Variants in SUCLG1 observed in about 807,000 individuals in gnomAD.
SUCLG1 encodes succinate-CoA ligase GDP/ADP-forming subunit alpha, also known as succinate--CoA ligase [ADP/GDP-forming] subunit alpha, mitochondrial.
Under a neutral mutation model 37.3 loss-of-function variants are expected in SUCLG1, and 26 were observed. The ratio of observed to expected loss-of-function variants is 0.70; its 90% confidence interval spans 0.51 to 0.97. The LOEUF (loss-of-function observed/expected upper bound fraction) is 0.97. Ranked by LOEUF, SUCLG1 falls within the 50% of genes least tolerant of loss-of-function variation. The pLI is 0.00. For missense variants in SUCLG1, 433 were observed against 432.9 expected (o/e 1.00, Z 0.00); for synonymous variants, 163 against 155.6 (o/e 1.05, Z -0.36).
At chr2:84,449,203 G>A (rs921437947) in intron 2 of SUCLG1, among the ~76,000 whole-genome samples, 5 of 152,178 alleles carry the variant, frequency 3.3e-5, no homozygotes, top group African/African-American at 1.2e-4. Flanking sequence ...CCTTGTCTCA[G>A]TATCCATGAG....
intron 5 of SUCLG1, among the ~76,000 whole-genome samples, chr2:84,435,102 T>C (rs149276110): frequency 7.2e-5 from 11 of 152,300 alleles, no homozygotes; most frequent in African/African-American, 2.6e-4. Context: ...CCAGACTTGT[T>C]TCTTACTATT....
chr2:84,438,319 G>A (rs1036958909), intron 5 of SUCLG1, among the ~76,000 whole-genome samples: 1 of 152,198 alleles, frequency 6.6e-6, no homozygotes, highest in Non-Finnish European at 1.5e-5. Context: ...AGTCAAGTAT[G>A]TGACATGTGG....
Position 84,441,479 on chromosome 2 carries a change from G to A in SUCLG1, c.319-20C>T, listed in dbSNP as rs957668469. On this transcript the variant is annotated intron_variant, in intron 3 of 8. Transcript: ENST00000393868. ...TTTGGCCTGAAACATTAACGACGAA[G>A]CACCTTATTATTTGTTAAATCATAA... 6.2e-7 allele frequency: 1 copy of A among 1,610,168 alleles called. No individual in the cohort carries two copies. Among genetic ancestry groups the A allele is most frequent in the Non-Finnish European group, 8.5e-7 (1 of 1,177,256 alleles).
chr2:84,445,123 T>C (rs1161405612), intron 2 of SUCLG1, among the ~76,000 whole-genome samples: 2 of 152,192 alleles, frequency 1.3e-5, no homozygotes, highest in East Asian at 1.9e-4. Context: ...ACAAGGATAT[T>C]GATTGGGGAA....
intron 7 of SUCLG1, among the ~76,000 whole-genome samples, chr2:84,429,460 AC>A (rs1239395579): frequency 6.6e-6 from 1 of 151,804 alleles, no homozygotes; most frequent in Non-Finnish European, 1.5e-5. Flanking sequence ...TTAACAATCT[AC>A]TCTTCCATTT....
intron 1 of SUCLG1, among the ~76,000 whole-genome samples, chr2:84,457,260 G>T (rs1673037063): frequency 6.6e-6 from 1 of 152,212 alleles, no homozygotes; most frequent in Admixed American, 6.5e-5. Context: ...TGTGGCATGG[G>T]AAAGAGGAGT....
chr2:84,440,906 T>C (rs1449674804), intron 5 of SUCLG1, 141 bp downstream of exon 5: 6 of 771,940 alleles, frequency 7.8e-6, no homozygotes, highest in South Asian at 1.6e-5. Context: ...ACAGAATTGA[T>C]AGACTACAAA....
chr2:84,433,620 G>A (rs1672642594), intron 5 of SUCLG1, 185 bp from the exon 6 acceptor site: 2 of 616,278 alleles, frequency 3.2e-6, no homozygotes. Flanking sequence ...TTCAAGCAGG[G>A]GGGTTTTTTA....
At chr2:84,433,558 C>T in intron 5 of SUCLG1, 123 bp from the exon 6 acceptor site, 1 of 807,838 alleles carries the variant, frequency 1.2e-6, no homozygotes, top group South Asian at 1.5e-5. Context: ...CATGATTTGC[C>T]ATCAAAATCA....
rs533520559 is a variant in SUCLG1 at position 84,428,284 on chromosome 2, G to A, written c.826-2681C>T. The stretch of plus-strand genomic sequence containing the variant: ...ATCATCTCATCAGTGACCCTGTTGT[G>A]CCTTTTACACCCTTCTACTATTAAA... On this transcript the variant is annotated intron_variant, in intron 7 of 8. Transcript: ENST00000393868. Among the ~76,000 whole-genome samples the A allele has an allele frequency of 3.2e-3, 436 of 135,982 alleles. 2 individuals are homozygous for A. The highest frequency in any genetic ancestry group is 4.7e-3 in the Non-Finnish European group (306 of 64,512). 89.2% of individuals were successfully genotyped at this position (135,982 alleles called of 152,430 possible).
At chr2:84,446,726 G>A (rs549320703) in intron 2 of SUCLG1, among the ~76,000 whole-genome samples, 48 of 151,698 alleles carry the variant, frequency 3.2e-4, no homozygotes, top group Admixed American at 8.5e-4. Context: ...AGAGGGAGGG[G>A]GAAAATCTAA....
At chr2:84,456,778 C>G (rs1397430922) in intron 1 of SUCLG1, among the ~76,000 whole-genome samples, 1 of 152,180 alleles carries the variant, frequency 6.6e-6, no homozygotes, top group Non-Finnish European at 1.5e-5. Context: ...ATTCTCCTGC[C>G]TTAGCCTCCT....
At chr2:84,435,931 T>C (rs1221518724) in intron 5 of SUCLG1, among the ~76,000 whole-genome samples, 2 of 152,368 alleles carry the variant, frequency 1.3e-5, no homozygotes, top group East Asian at 1.9e-4. Context: ...GTTCCTCTCT[T>C]TGAATGCATT....
intron 1 of SUCLG1, among the ~76,000 whole-genome samples, chr2:84,452,591 A>T (rs1672957013): frequency 6.6e-6 from 1 of 152,096 alleles, no homozygotes; most frequent in African/African-American, 2.4e-5. Flanking sequence ...GTATACAATA[A>T]ACACCATCAC....
intron 5 of SUCLG1, among the ~76,000 whole-genome samples, chr2:84,435,518 G>A (rs554446617): frequency 2.6e-5 from 4 of 152,182 alleles, no homozygotes; most frequent in Admixed American, 6.5e-5. Flanking sequence ...AAGCAGGGGA[G>A]CCCTGGGAAA....
intron 7 of SUCLG1, among the ~76,000 whole-genome samples, chr2:84,427,535 C>G (rs1672552945): frequency 6.6e-6 from 1 of 152,204 alleles, no homozygotes; most frequent in Admixed American, 6.5e-5. Context: ...ATCAGTATCA[C>G]CATCAAGCTC....
chr2:84,444,942 C>T (rs1195772542), intron 2 of SUCLG1, among the ~76,000 whole-genome samples: 1 of 152,186 alleles, frequency 6.6e-6, no homozygotes, highest in African/African-American at 2.4e-5. Context: ...TTGCTGTTAT[C>T]CTGTTCCTTT....
chr2:84,446,933 A>T (rs1358299011), intron 2 of SUCLG1, among the ~76,000 whole-genome samples: 2 of 152,212 alleles, frequency 1.3e-5, no homozygotes, highest in Non-Finnish European at 2.9e-5. Context: ...ATTCAGAAGT[A>T]CCAAATTTTA....
chr2:84,452,182 A>AT (rs1186158461), intron 1 of SUCLG1, among the ~76,000 whole-genome samples: 1 of 150,996 alleles, frequency 6.6e-6, no homozygotes, highest in African/African-American at 2.5e-5. Context: ...AAGTACTATA[A>AT]TAAAAAAAAA....
Sources: allele counts gnomAD v4.1 joint callset (sites outside exome capture counted in the v4.1 genomes callset), GRCh38; gene constraint gnomAD v4.1.1; transcripts MANE v1.5; gene names NCBI Gene and HGNC (gene_info 2026-07-23, HGNC 2026-07-21).